Variants in GIMAP8 observed in about 807,000 individuals in gnomAD.
GIMAP8 encodes GTPase IMAP family member 8.
A neutral mutation model predicts 35.6 loss-of-function variants in GIMAP8; 29 were observed. That is an observed-to-expected ratio of 0.81 (90% CI 0.61 to 1.11). GIMAP8 has a LOEUF of 1.11. Ranked by LOEUF, GIMAP8 falls within the 50% of genes most tolerant of loss-of-function variation. GIMAP8 has a pLI of 0.00. For synonymous variants in GIMAP8, 335 were observed against 308.7 expected, an observed-to-expected ratio of 1.09 and a Z score of -0.89; for missense variants, 811 against 805.0, an observed-to-expected ratio of 1.01 and a Z score of -0.09.
chr7:150,462,951 A>T (rs542637458), intron 1 of GIMAP8, among the ~76,000 whole-genome samples: 1 of 152,160 alleles, frequency 6.6e-6, no homozygotes, highest in Non-Finnish European at 1.5e-5. Context: ...CCCATCTTGT[A>T]TCTTTCTGGA....
chr7:150,452,675 G>GAGATATATATATAT (rs1554492376), intron 1 of GIMAP8, among the ~76,000 whole-genome samples: 5 of 79,654 alleles, frequency 6.3e-5, no homozygotes, highest in Non-Finnish European at 6.8e-5. Flanking sequence ...GTGTGTGTGA[G>GAGATATATATATAT]ATATATATAT....
rs1802121160 is a variant in GIMAP8 at position 150,472,791 on chromosome 7, G to A, written c.683-1221G>A. Among the ~76,000 whole-genome samples, 1 of 152,182 alleles carries A rather than the reference G, an allele frequency of 6.6e-6. No individual in the cohort carries two copies. The highest frequency in any genetic ancestry group is 2.1e-4 in the South Asian group (1 of 4,832). On this transcript the variant is annotated intron_variant, in intron 3 of 4. Coordinates refer to ENST00000307271, the MANE Select transcript of GIMAP8 (RefSeq NM_175571.4). The surrounding 1 kb of genome is among the most constrained non-coding windows in gnomAD (Gnocchi z 4.1). ...GTAGCCAGCAGGAGATAGGGCAGGA[G>A]GCAAAGAAAGTGCTGTCATATGGGC...
intron 4 of GIMAP8, among the ~76,000 whole-genome samples, chr7:150,475,846 A>G (rs571268332): frequency 2.0e-5 from 3 of 152,352 alleles, no homozygotes; most frequent in South Asian, 2.1e-4. Flanking sequence ...TCCAGAGAGT[A>G]CACCAGCAAT....
rs370173483 is a variant in GIMAP8 at position 150,477,669 on chromosome 7, G to A, written c.1887G>A (p.Gly629=). 2.5e-5 allele frequency: 40 copies of A among 1,614,088 alleles called. No individual in the cohort carries two copies. The African/African-American group carries it at 5.1e-4, about 20-fold the overall frequency. ...TKVNDLRKES[G]WSGYPHTQEN... ...TCAATGATCTGAGAAAAGAAAGTGG[G>A]TGGTCCGGGTATCCCCATACACAGG... The change falls in exon 5 of 5, where the codon GGG becomes GGA. Residue 629 remains glycine, a synonymous_variant. Transcript: ENST00000307271.
At position 150,478,009 on chromosome 7, in the gene GIMAP8, C is replaced by G. The variant is rs930096414; in HGVS notation, c.*229C>G. On this transcript the variant is annotated 3_prime_UTR_variant, in exon 5 of 5. Coordinates refer to ENST00000307271, the MANE Select transcript of GIMAP8 (RefSeq NM_175571.4). ...GAAAGAAGATACAAGGTGGGGAAAT[C>G]TGGAAAAAGATTTCAGACATTAGGC... is the stretch of plus-strand genomic sequence containing the variant. 2 of 542,264 alleles carry G rather than the reference C, an allele frequency of 3.7e-6. No homozygotes were observed. Among genetic ancestry groups the G allele is most frequent in the Non-Finnish European group, 6.5e-6 (2 of 307,756 alleles). The allele number at this position is 542,264 out of a possible 1,614,324, so 33.6% of individuals were successfully genotyped here. A position where few individuals can be genotyped will look rare whatever the true frequency, so the allele number is the denominator to read the frequency against.
chr7:150,454,954 C>T (rs1209377459), intron 1 of GIMAP8, among the ~76,000 whole-genome samples: 1 of 151,930 alleles, frequency 6.6e-6, no homozygotes, highest in African/African-American at 2.4e-5. Context: ...GCCTGACCAA[C>T]ATGGAGAAAC....
intron 2 of GIMAP8, among the ~76,000 whole-genome samples, chr7:150,468,277 T>A (rs1294349082): frequency 2.6e-5 from 4 of 152,222 alleles, no homozygotes; most frequent in Non-Finnish European, 4.4e-5. Flanking sequence ...CAGGGTGAGA[T>A]TTTATTTAAG....
rs751033537 is a variant in GIMAP8 at position 150,460,574 on chromosome 7, G to C, written c.-28-6097G>C. ...ACTACTGTCCTTCAGAAATGTCCCA[G>C]ATTGGTGCTATAGTGATGAAGCTGT... On this transcript the variant is annotated intron_variant, in intron 1 of 4. Coordinates refer to ENST00000307271, the MANE Select transcript of GIMAP8 (RefSeq NM_175571.4). Among the ~76,000 whole-genome samples, 5 of 152,228 alleles carry C rather than the reference G, an allele frequency of 3.3e-5. No individual in the cohort carries two copies. The South Asian group carries it at 1.0e-3, about 32-fold the overall frequency.
At chr7:150,452,522 CTTAAA>C (rs961287948) in intron 1 of GIMAP8, among the ~76,000 whole-genome samples, 37 of 147,192 alleles carry the variant, frequency 2.5e-4, no homozygotes, top group Middle Eastern at 6.8e-3. Context: ...GTCTTTTTTT[CTTAAA>C]TTAATTTACA....
chr7:150,467,458 T>A (rs1801994399), intron 2 of GIMAP8, 124 bp downstream of exon 2: 1 of 764,268 alleles, frequency 1.3e-6, no homozygotes, highest in African/African-American at 1.8e-5. Flanking sequence ...ATAAGATATT[T>A]ATATATAATT....
rs770174770 is a variant in GIMAP8 at position 150,467,286 on chromosome 7, C to T, written c.588C>T (p.Asn196=). ...LRKVESLVNT[N]GGPYHVNFKT... ...AGGTTGAGTCTTTGGTGAATACGAA[C>T]GGAGGACCCTATCATGTGAACTTCA... The change falls in exon 2 of 5, where the codon AAC becomes AAT. Residue 196 remains asparagine (N), a synonymous_variant. Coordinates refer to ENST00000307271, the MANE Select transcript of GIMAP8 (RefSeq NM_175571.4). 52 of 1,614,010 alleles carry T rather than the reference C, an allele frequency of 3.2e-5. No homozygotes were observed. The East Asian group carries it at 6.0e-4, about 19-fold the overall frequency.
chr7:150,458,772 G>A (rs1368928114), intron 1 of GIMAP8, among the ~76,000 whole-genome samples: 4 of 152,076 alleles, frequency 2.6e-5, no homozygotes, highest in African/African-American at 9.7e-5. Context: ...TGTAACTTAA[G>A]TACTATGATG....
chr7:150,478,844 C>T lies in GIMAP8; in HGVS notation c.*1064C>T, dbSNP rs1402358680. On this transcript the variant is annotated 3_prime_UTR_variant, in exon 5 of 5. Coordinates refer to ENST00000307271, the MANE Select transcript of GIMAP8 (RefSeq NM_175571.4). ...GGTTTCAAGACAGTGGTGTTCTTTC[C>T]ATAGCTGAGCAGATTATTTTGAGAG... The T allele has an allele frequency of 6.6e-6, 1 of 152,178 alleles. No individual in the cohort carries two copies. The highest frequency in any genetic ancestry group is 1.5e-5 in the Non-Finnish European group (1 of 68,048). The allele number at this position is 152,178 out of a possible 1,614,324, so 9.4% of individuals were successfully genotyped here. A position where few individuals can be genotyped will look rare whatever the true frequency, so the allele number is the denominator to read the frequency against.
At chr7:150,475,825 C>T (rs1802216053) in intron 4 of GIMAP8, among the ~76,000 whole-genome samples, 1 of 152,168 alleles carries the variant, frequency 6.6e-6, no homozygotes, top group Non-Finnish European at 1.5e-5. Flanking sequence ...GAGCAGAAAG[C>T]TGGAAGATAT....
In GIMAP8 at chr7:150,478,500, T is replaced by C. The variant is rs150754742; in HGVS notation, c.*720T>C. Reference sequence around the variant, plus strand: ...TAGACTAGAACAGAAATTAGAAGCATAGTAAGATTGCCAAAATCAGAGAAT... The same window carrying C: ...TAGACTAGAACAGAAATTAGAAGCACAGTAAGATTGCCAAAATCAGAGAAT... On this transcript the variant is annotated 3_prime_UTR_variant, in exon 5 of 5. Transcript: ENST00000307271. 143 of 152,312 alleles carry C rather than the reference T, an allele frequency of 9.4e-4. No individual in the cohort carries two copies. Among genetic ancestry groups the C allele is most frequent in the African/African-American group, 3.3e-3 (136 of 41,566 alleles). The allele number at this position is 152,312 out of a possible 1,614,324, so 9.4% of individuals were successfully genotyped here. A position where few individuals can be genotyped will look rare whatever the true frequency, so the allele number is the denominator to read the frequency against.
At chr7:150,475,928 G>T (rs572179372) in intron 4 of GIMAP8, among the ~76,000 whole-genome samples, 1 of 152,218 alleles carries the variant, frequency 6.6e-6, no homozygotes, top group South Asian at 2.1e-4. Context: ...GTGGAGATGG[G>T]GGTTCACAGC....
Position 150,474,279 on chromosome 7 carries a change from GA to G in GIMAP8, c.954del (p.Lys318AsnfsTer13), listed in dbSNP as rs1272232578. Reference protein sequence around the residue: ...SSLKNIDSEVRKHICTGPHAF... With the variant: ...SSLKNIDSEVXKHICTGPHAF... ...TTAAAGAACATTGACTCAGAAGTTA[GA>G]AAACACATCTGTACAGGCCCCCATG... On this transcript the variant is annotated frameshift_variant, in exon 4 of 5. Transcript: ENST00000307271. LOFTEE classifies it high-confidence loss of function. The G allele has an allele frequency of 1.2e-6, 2 of 1,614,174 alleles. No homozygotes were observed. Among genetic ancestry groups the G allele is most frequent in the Admixed American group, 3.3e-5 (2 of 60,026 alleles).
intron 3 of GIMAP8, among the ~76,000 whole-genome samples, chr7:150,471,684 A>G (rs1028134364): frequency 6.6e-6 from 1 of 152,162 alleles, no homozygotes; most frequent in Non-Finnish European, 1.5e-5. Flanking sequence ...TAAAAATACA[A>G]AAATTAGCCA....
chr7:150,455,526 C>CG (rs1241703197), intron 1 of GIMAP8, among the ~76,000 whole-genome samples: 2 of 152,188 alleles, frequency 1.3e-5, no homozygotes, highest in Non-Finnish European at 2.9e-5. Context: ...TGTGGACCTA[C>CG]GGGCACTTGG....
Sources: allele counts gnomAD v4.1 joint callset (sites outside exome capture counted in the v4.1 genomes callset), GRCh38; gene constraint gnomAD v4.1.1; non-coding constraint Gnocchi (gnomAD v3.1); transcripts MANE v1.5; gene names NCBI Gene and HGNC (gene_info 2026-07-23, HGNC 2026-07-21).